Variants in ARFGEF3 observed in about 807,000 individuals in gnomAD.
The protein encoded by ARFGEF3 is ARFGEF family member 3.
Under a neutral mutation model 221.7 loss-of-function variants are expected in ARFGEF3, and 96 were observed. The ratio of observed to expected loss-of-function variants is 0.43; its 90% CI spans 0.37 to 0.51. The LOEUF is 0.51. Among genes scored for constraint, ARFGEF3 ranks in the 20% least tolerant of loss-of-function variants. The pLI is 0.00. For synonymous variants in ARFGEF3, 1,145 were observed against 1,126.8 expected, an observed-to-expected ratio of 1.02 and a Z score of -0.32; for missense variants, 2,410 against 2,789.9, an observed-to-expected ratio of 0.86 and a Z score of 3.07.
chr6:138,320,848 G>T (rs1780010356), intron 28 of ARFGEF3, among the ~76,000 whole-genome samples: 1 of 152,088 alleles, frequency 6.6e-6, no homozygotes, highest in African/African-American at 2.4e-5. Context: ...ACACATAAAA[G>T]TGAACTGCAT....
At position 138,213,023 on chromosome 6, in the gene ARFGEF3, G is replaced by A. The variant is rs532242523; in HGVS notation, c.351+2982G>A. Among the ~76,000 whole-genome samples the A allele has an allele frequency of 8.6e-5, 13 of 151,764 alleles. No individual in the cohort carries two copies. The East Asian group carries it at 1.4e-3, about 16-fold the overall frequency. ...CTTAAAGTATAATTAAAAAAATACC[G>A]CACGCCTGTAATCCCAGCACTTTGG... is the stretch of plus-strand genomic sequence containing the variant. On this transcript the variant is annotated intron_variant, in intron 4 of 33. Transcript: ENST00000251691.
chr6:138,265,111 G>A (rs1283910897), intron 12 of ARFGEF3, among the ~76,000 whole-genome samples: 2 of 152,166 alleles, frequency 1.3e-5, no homozygotes, highest in South Asian at 4.2e-4. Flanking sequence ...CGCTGTGTTA[G>A]CCAGGATGGT....
chr6:138,272,235 A>G (rs945052109), intron 12 of ARFGEF3, among the ~76,000 whole-genome samples: 2 of 152,072 alleles, frequency 1.3e-5, no homozygotes, highest in Non-Finnish European at 1.5e-5. Context: ...GGCTCACTGC[A>G]ACCTCCGCCT....
At chr6:138,289,545 A>G (rs1038379493) in intron 17 of ARFGEF3, among the ~76,000 whole-genome samples, 3 of 152,162 alleles carry the variant, frequency 2.0e-5, no homozygotes, top group African/African-American at 7.2e-5. Flanking sequence ...GCTGTGCCTG[A>G]CCCAGAGCCC....
intron 3 of ARFGEF3, among the ~76,000 whole-genome samples, chr6:138,207,423 C>CA (rs1463501126): frequency 6.6e-6 from 1 of 151,706 alleles, no homozygotes; most frequent in Admixed American, 6.6e-5. Flanking sequence ...TAAGGGATCC[C>CA]AAAAAAGAGA....
At chr6:138,258,449 T>C (rs899843153) in intron 10 of ARFGEF3, among the ~76,000 whole-genome samples, 1 of 152,112 alleles carries the variant, frequency 6.6e-6, no homozygotes, top group Non-Finnish European at 1.5e-5. Flanking sequence ...ATGTTGTGAG[T>C]CGTAAGGCTA....
chr6:138,292,576 G>A (rs1169099599), intron 19 of ARFGEF3, among the ~76,000 whole-genome samples: 1 of 152,220 alleles, frequency 6.6e-6, no homozygotes, highest in African/African-American at 2.4e-5. Context: ...TACTTCCTGA[G>A]GTTGAAAGTG....
At chr6:138,275,987 A>T (rs1221366504) in intron 12 of ARFGEF3, among the ~76,000 whole-genome samples, 1 of 152,228 alleles carries the variant, frequency 6.6e-6, no homozygotes, top group African/African-American at 2.4e-5. Flanking sequence ...TGTAATTTGC[A>T]TGCACAAATG....
Position 138,334,779 on chromosome 6 carries a change from G to A in ARFGEF3, c.5933G>A (p.Ser1978Asn), listed in dbSNP as rs777825129. Residue 1978 changes from serine to asparagine, a missense_variant, in exon 33 of 34, where the codon AGC (serine) becomes AAC (asparagine). Physicochemically the swap from Ser to Asn is conservative, Grantham distance 46. Around this residue, in one of 5 missense-constraint regions of ARFGEF3, gnomAD observed 339 missense variants for 334.9 expected, o/e 1.01. Transcript: ENST00000251691. This position sits in a 1 kb window ranked among gnomAD's most constrained non-coding sequence, Gnocchi z 5.1. ...QSREHMGESLSLKAGGGDLLL... is the reference protein window; with the variant it reads ...QSREHMGESLNLKAGGGDLLL... ...CGGGAGCACATGGGCGAGTCCCTGA[G>A]CCTGAAGGCCGGTGGTGGGGACCTG... 1 of 1,609,028 alleles carries A rather than the reference G, an allele frequency of 6.2e-7. No homozygotes were observed. Among genetic ancestry groups the A allele is most frequent in the Admixed American group, 1.7e-5 (1 of 59,320 alleles).
chr6:138,269,067 C>G (rs1176266329), intron 12 of ARFGEF3, among the ~76,000 whole-genome samples: 1 of 152,196 alleles, frequency 6.6e-6, no homozygotes, highest in African/African-American at 2.4e-5. Flanking sequence ...CTTATATCAC[C>G]AGGGAGCCCC....
Position 138,184,518 on chromosome 6 carries a change from G to A in ARFGEF3, c.137+13805G>A, listed in dbSNP as rs74833386. On this transcript the variant is annotated intron_variant, in intron 2 of 33. Transcript: ENST00000251691. ...TGTTAGATAGGAAAACAAGGGTACC[G>A]GGAAGAAAGGGCAGATGAGACTATG... Among the ~76,000 whole-genome samples, 285 of 152,278 alleles carry A rather than the reference G, an allele frequency of 1.9e-3. 2 individuals are homozygous for A. Among genetic ancestry groups the A allele is most frequent in the African/African-American group, 5.8e-3 (243 of 41,560 alleles).
chr6:138,185,835 A>G (rs1329286195), intron 2 of ARFGEF3, among the ~76,000 whole-genome samples: 1 of 152,132 alleles, frequency 6.6e-6, no homozygotes, highest in Non-Finnish European at 1.5e-5. Context: ...TACATGAGTG[A>G]CCCCCAGTAA....
intron 2 of ARFGEF3, among the ~76,000 whole-genome samples, chr6:138,185,201 A>G (rs1777159047): frequency 6.6e-6 from 1 of 152,190 alleles, no homozygotes; most frequent in East Asian, 1.9e-4. Context: ...TCACCTTCAA[A>G]TGATGCTTGG....
At chr6:138,169,110 A>T (rs1776776542) in intron 1 of ARFGEF3, among the ~76,000 whole-genome samples, 1 of 152,176 alleles carries the variant, frequency 6.6e-6, no homozygotes, top group African/African-American at 2.4e-5. Context: ...AAACTTACAG[A>T]GGATAAGTGA....
chr6:138,294,049 A>T lies in ARFGEF3; in HGVS notation c.3425A>T (p.Tyr1142Phe). 1 of 1,613,998 alleles carries T rather than the reference A, an allele frequency of 6.2e-7. No individual in the cohort carries two copies. Among genetic ancestry groups the T allele is most frequent in the Non-Finnish European group, 8.5e-7 (1 of 1,179,876 alleles). The change falls in exon 20 of 34, where the codon TAC (tyrosine) becomes TTC (phenylalanine). Residue 1142 changes from tyrosine (Y) to phenylalanine (F), a missense_variant. This residue lies in a region of ARFGEF3 where 723 missense variants were observed against 991.9 expected (regional missense o/e 0.73). Coordinates refer to ENST00000251691, the MANE Select transcript of ARFGEF3 (RefSeq NM_020340.5). ...LNLMALGGFL[Y>F]QLKKASQSQL... ...CTCATGGCCTTGGGAGGTTTTCTTT[A>T]CCAGCTGAAGAAAGCATCGCAGTCT...
At position 138,319,723 on chromosome 6, in the gene ARFGEF3, G is replaced by A. The variant is rs367768499; in HGVS notation, c.4495G>A (p.Ala1499Thr). The A allele has an allele frequency of 2.5e-6, 4 of 1,611,008 alleles. No homozygotes were observed. In the African/African-American group the frequency reaches 5.4e-5, roughly 22 times the overall value. Residue 1499 changes from alanine to threonine, a missense_variant, in exon 28 of 34, where the codon GCA becomes ACA. Ala to Thr is a moderately conservative substitution (Grantham distance 58). This residue lies in a region of ARFGEF3 where 723 missense variants were observed against 991.9 expected (regional missense o/e 0.73). Coordinates refer to ENST00000251691, the MANE Select transcript of ARFGEF3 (RefSeq NM_020340.5). ...TTCAGGACCAGGGTTTGGTATCTATGCAGTGGTTCACCTCCTCCTTCCTGT... is the reference window on the plus strand; with the variant it reads ...TTCAGGACCAGGGTTTGGTATCTATACAGTGGTTCACCTCCTCCTTCCTGT... ...KTPGPGFGIY[A>T]VVHLLLPVMS...
At chr6:138,222,536 G>T (rs879623624) in intron 4 of ARFGEF3, among the ~76,000 whole-genome samples, 1 of 152,162 alleles carries the variant, frequency 6.6e-6, no homozygotes, top group South Asian at 2.1e-4. Flanking sequence ...GGAGCTGGGG[G>T]AATGGGGGTA....
intron 1 of ARFGEF3, among the ~76,000 whole-genome samples, chr6:138,164,818 C>A (rs1010461617): frequency 6.6e-6 from 1 of 152,214 alleles, no homozygotes; most frequent in African/African-American, 2.4e-5. Flanking sequence ...TAGACCATCT[C>A]ATGAAAAGAG....
intron 11 of ARFGEF3, among the ~76,000 whole-genome samples, chr6:138,262,439 A>G (rs1390528415): frequency 2.0e-5 from 3 of 152,008 alleles, no homozygotes; most frequent in Non-Finnish European, 4.4e-5. Context: ...TGATCCGCCC[A>G]CCTCAGCGTC....
Sources: gnomAD v4.1 joint callset for allele counts (sites outside exome capture counted in the v4.1 genomes callset) on GRCh38, gnomAD v4.1.1 for gene constraint, gnomAD v4.1.1 regional missense constraint, Gnocchi (gnomAD v3.1) non-coding constraint, MANE v1.5 for transcripts, NCBI Gene and HGNC (gene_info 2026-07-23, HGNC 2026-07-21) for gene names.